Variants in AP3B1 observed in about 807,000 individuals in gnomAD.
The protein encoded by AP3B1 is AP-3 complex subunit beta-1.
In AP3B1, 61 loss-of-function variants were observed where a neutral mutation model predicts 132.5. That is an observed-to-expected ratio of 0.46 (90% CI 0.37 to 0.57). The LOEUF (loss-of-function observed/expected upper bound fraction) is 0.57, where lower values mean the gene tolerates loss of function less well. Ranked by LOEUF, AP3B1 falls within the 20% of genes least tolerant of loss-of-function variation. The probability of loss-of-function intolerance (pLI) is 0.00; values close to 1 mark genes in which losing one functional copy is unlikely to be tolerated. For synonymous variants in AP3B1, 388 were observed against 438.3 expected (o/e 0.89, Z 1.43); for missense variants, 1,120 against 1,289.4 (o/e 0.87, Z 2.01).
intron 1 of AP3B1, 130 bp from the exon 2 acceptor site, chr5:78,267,725 C>G (rs1312455423): frequency 1.8e-6 from 1 of 561,372 alleles, no homozygotes; most frequent in Non-Finnish European, 3.1e-6. Context: ...AGAAGGTGGC[C>G]ATCTGCAGGC....
chr5:78,109,528 G>C (rs1306837317), intron 20 of AP3B1, among the ~76,000 whole-genome samples: 1 of 152,022 alleles, frequency 6.6e-6, no homozygotes, highest in African/African-American at 2.4e-5. Context: ...GCATGAACAT[G>C]GTCCAGTTAT....
chr5:78,010,897 A>G (rs982390712), intron 26 of AP3B1, among the ~76,000 whole-genome samples: 2 of 152,176 alleles, frequency 1.3e-5, no homozygotes, highest in African/African-American at 4.8e-5. Flanking sequence ...TATCTTACAC[A>G]GGAAGTGAAG....
At chr5:78,043,529 G>T in intron 22 of AP3B1, 2 of 389,654 alleles carry the variant, frequency 5.1e-6, no homozygotes, top group South Asian at 4.7e-5. Context: ...GATAGGCTAT[G>T]AACTGTAAGT....
At chr5:78,175,906 A>G in intron 9 of AP3B1, 68 bp from the exon 10 acceptor site, 1 of 1,167,738 alleles carries the variant, frequency 8.6e-7, no homozygotes, top group Non-Finnish European at 1.3e-6. Context: ...AAGCACTACA[A>G]TAATGACAAA....
At chr5:78,225,665 T>C in intron 5 of AP3B1, 57 bp from the exon 6 acceptor site, 2 of 1,086,940 alleles carry the variant, frequency 1.8e-6, no homozygotes, top group Non-Finnish European at 2.8e-6. Context: ...CTTTACATGA[T>C]GCTCACCAAT....
intron 17 of AP3B1, among the ~76,000 whole-genome samples, chr5:78,117,336 G>C (rs975713346): frequency 1.3e-5 from 2 of 149,330 alleles, no homozygotes; most frequent in Middle Eastern, 3.4e-3. Context: ...TTGAGACGGA[G>C]TCTCGCTCCG....
chr5:78,104,872 G>C (rs963789129), intron 20 of AP3B1, among the ~76,000 whole-genome samples: 1 of 152,086 alleles, frequency 6.6e-6, no homozygotes, highest in African/African-American at 2.4e-5. Flanking sequence ...AAAGTTTTGA[G>C]ACACAAATAT....
intron 2 of AP3B1, among the ~76,000 whole-genome samples, chr5:78,244,936 A>C (rs1364323808): frequency 2.0e-5 from 3 of 152,082 alleles, no homozygotes; most frequent in African/African-American, 4.8e-5. Flanking sequence ...CGAAGGTTAT[A>C]GTGAGCCAAG....
At chr5:78,094,631 T>A (rs1229781223) in intron 21 of AP3B1, among the ~76,000 whole-genome samples, 1 of 152,110 alleles carries the variant, frequency 6.6e-6, no homozygotes, top group Non-Finnish European at 1.5e-5. Context: ...TTATTCTGCC[T>A]AGTATACCCT....
At chr5:78,051,159 G>GA (rs1207624282) in intron 22 of AP3B1, among the ~76,000 whole-genome samples, 1 of 152,162 alleles carries the variant, frequency 6.6e-6, no homozygotes, top group Non-Finnish European at 1.5e-5. Context: ...AGCGTGGAAT[G>GA]AGAGTGCACA....
chr5:78,087,568 T>C (rs1750316322), intron 22 of AP3B1: 1 of 985,456 alleles, frequency 1.0e-6, no homozygotes, highest in Non-Finnish European at 1.2e-6. Context: ...TTTGATCATT[T>C]TGTTAGCTTT....
chr5:78,128,754 C>T (rs1752568592), intron 16 of AP3B1, among the ~76,000 whole-genome samples: 1 of 151,926 alleles, frequency 6.6e-6, no homozygotes, highest in Non-Finnish European at 1.5e-5. Flanking sequence ...TATTAGTGTA[C>T]ACAGAATATT....
intron 1 of AP3B1, among the ~76,000 whole-genome samples, chr5:78,292,490 T>A (rs1206400301): frequency 1.3e-5 from 2 of 152,190 alleles, no homozygotes; most frequent in Non-Finnish European, 2.9e-5. Flanking sequence ...GAGAATGGGC[T>A]CTAATATTAG....
intron 22 of AP3B1, among the ~76,000 whole-genome samples, chr5:78,086,938 T>C (rs558610643): frequency 2.0e-5 from 3 of 152,296 alleles, no homozygotes; most frequent in Admixed American, 6.5e-5. Context: ...TGGAAAATTA[T>C]GTCACTGATG....
At chr5:78,186,298 G>A (rs1456161760) in intron 7 of AP3B1, among the ~76,000 whole-genome samples, 1 of 152,012 alleles carries the variant, frequency 6.6e-6, no homozygotes, top group Non-Finnish European at 1.5e-5. Context: ...AACAGAGAAG[G>A]ACATTATAGA....
At chr5:78,013,889 C>A (rs1303777887) in intron 26 of AP3B1, among the ~76,000 whole-genome samples, 2 of 152,140 alleles carry the variant, frequency 1.3e-5, no homozygotes, top group Non-Finnish European at 2.9e-5. Flanking sequence ...AGACACCGGG[C>A]GCGGTGGCTC....
At chr5:78,137,960 A>T (rs570312479) in intron 15 of AP3B1, among the ~76,000 whole-genome samples, 14 of 152,314 alleles carry the variant, frequency 9.2e-5, no homozygotes, top group African/African-American at 3.4e-4. Context: ...TCAGATCTAC[A>T]AATAAATATC....
chr5:78,038,392 GGAA>G (rs1474880932), intron 23 of AP3B1, among the ~76,000 whole-genome samples: 1 of 152,074 alleles, frequency 6.6e-6, no homozygotes, highest in Non-Finnish European at 1.5e-5. Context: ...GGGCCACATT[GGAA>G]GAAGAATTGT....
chr5:78,077,257 G>A (rs1164855151), intron 22 of AP3B1, among the ~76,000 whole-genome samples: 1 of 152,140 alleles, frequency 6.6e-6, no homozygotes, highest in Non-Finnish European at 1.5e-5. Flanking sequence ...CTTAGGGTTT[G>A]TGATCCACAA....
Sources: allele counts gnomAD v4.1 joint callset (sites outside exome capture counted in the v4.1 genomes callset), GRCh38; gene constraint gnomAD v4.1.1; transcripts MANE v1.5; gene names NCBI Gene and HGNC (gene_info 2026-07-23, HGNC 2026-07-21).